Variants in ENTPD6 observed in about 807,000 individuals in gnomAD.
ENTPD6 encodes CD39 antigen-like 2.
In ENTPD6, 46 loss-of-function variants were observed where a neutral mutation model predicts 61.5. The observed-to-expected ratio is 0.75, with a 90% CI of 0.59 to 0.96. The LOEUF (loss-of-function observed/expected upper bound fraction) is 0.96. Ranked by LOEUF, ENTPD6 falls within the 40% of genes least tolerant of loss-of-function variation. The pLI is 0.00. For missense variants in ENTPD6, 612 were observed against 629.0 expected (o/e 0.97, Z 0.29); for synonymous variants, 252 against 255.5 (o/e 0.99, Z 0.13).
intron 8 of ENTPD6, 42 bp from the exon 9 acceptor site, chr20:25,217,460 G>A: frequency 6.3e-7 from 1 of 1,584,948 alleles, no homozygotes; most frequent in Non-Finnish European, 8.7e-7. Flanking sequence ...GAATTTTCTA[G>A]AAAGACCAGC....
intron 1 of ENTPD6, among the ~76,000 whole-genome samples, chr20:25,201,262 A>G (rs970204448): frequency 2.0e-5 from 3 of 151,792 alleles, no homozygotes; most frequent in Admixed American, 6.6e-5. Context: ...GCTCCGTTAC[A>G]CTCTTGCTCT....
At chr20:25,220,253 C>T (rs944634222) in intron 10 of ENTPD6, among the ~76,000 whole-genome samples, 19 of 152,368 alleles carry the variant, frequency 1.2e-4, no homozygotes, top group Middle Eastern at 6.8e-3. Context: ...CACACAGGCT[C>T]ATCTGGGCAG....
At chr20:25,225,338 C>T (rs370124403) in intron 14 of ENTPD6, 21 bp downstream of exon 14, 32 of 1,611,548 alleles carry the variant, frequency 2.0e-5, no homozygotes, top group African/African-American at 2.7e-5. Flanking sequence ...CCTCAGGTCA[C>T]GCCCCAGCCC....
At chr20:25,225,066 G>T in intron 13 of ENTPD6, 139 bp from the exon 14 acceptor site, 7 of 1,374,984 alleles carry the variant, frequency 5.1e-6, no homozygotes, top group South Asian at 1.4e-5. Context: ...TGCCTTCTGC[G>T]CTCAGCTGCG....
At chr20:25,217,618 G>T (rs758336605) in intron 9 of ENTPD6, 37 bp downstream of exon 9, 1 of 1,581,376 alleles carries the variant, frequency 6.3e-7, no homozygotes, top group African/African-American at 1.3e-5. Context: ...AGGCGCCATG[G>T]GGTGGGTATG....
intron 1 of ENTPD6, among the ~76,000 whole-genome samples, chr20:25,199,039 T>TCAG (rs2090796156): frequency 6.6e-6 from 1 of 152,148 alleles, no homozygotes; most frequent in African/African-American, 2.4e-5. Flanking sequence ...GTTTTCCCCC[T>TCAG]CAGTACACTG....
intron 10 of ENTPD6, among the ~76,000 whole-genome samples, chr20:25,218,994 A>G (rs536860200): frequency 1.3e-5 from 2 of 151,996 alleles, no homozygotes; most frequent in South Asian, 4.2e-4. Context: ...CAATTTTCAT[A>G]CCTCCGCCTC....
intron 11 of ENTPD6, 44 bp downstream of exon 11, chr20:25,221,377 G>A: frequency 6.9e-7 from 1 of 1,442,204 alleles, no homozygotes; most frequent in Non-Finnish European, 9.8e-7. Context: ...GGGTGAGAGT[G>A]GTGGCCTCCT....
chr20:25,204,027 G>A (rs2091264685), intron 1 of ENTPD6, among the ~76,000 whole-genome samples: 1 of 152,064 alleles, frequency 6.6e-6, no homozygotes, highest in South Asian at 2.1e-4. Context: ...CCCCATATTC[G>A]TGGCTGTTTC....
chr20:25,218,454 C>A, intron 9 of ENTPD6, 96 bp from the exon 10 acceptor site: 1 of 1,143,496 alleles, frequency 8.7e-7, no homozygotes, highest in South Asian at 1.3e-5. Context: ...TTGCTGCAAG[C>A]TCCCCCTTCC....
chr20:25,209,276 GT>G (rs1239284184), intron 3 of ENTPD6, among the ~76,000 whole-genome samples: 1 of 151,560 alleles, frequency 6.6e-6, no homozygotes, highest in East Asian at 1.9e-4. Context: ...CGCCCAGCTA[GT>G]TTTTTTGTAT....
chr20:25,210,921 G>A (rs562696285), intron 4 of ENTPD6, among the ~76,000 whole-genome samples: 1 of 152,218 alleles, frequency 6.6e-6, no homozygotes, highest in Non-Finnish European at 1.5e-5. Context: ...CAGCCTGGGG[G>A]ACAGAGTGAG....
chr20:25,207,318 G>A lies in ENTPD6; in HGVS notation c.297G>A (p.Glu99=). Residue 99 remains glutamate (E), a synonymous_variant, in exon 3 of 15, where the codon GAG becomes GAA. Transcript: ENST00000376652. The stretch of plus-strand genomic sequence containing the variant: ...TGGGGACAGCTGCAGACGGGCACGA[G>A]GTCTTCTACGGGATCATGTTTGATG... ...SPLGTAADGH[E]VFYGIMFDAG... The A allele has an allele frequency of 6.3e-7, 1 of 1,597,000 alleles. No individual in the cohort carries two copies. Among genetic ancestry groups the A allele is most frequent in the Non-Finnish European group, 8.6e-7 (1 of 1,167,988 alleles).
chr20:25,218,401 A>T (rs899581536), intron 9 of ENTPD6, 149 bp from the exon 10 acceptor site: 2 of 693,892 alleles, frequency 2.9e-6, no homozygotes, highest in Non-Finnish European at 5.0e-6. Context: ...TCAACTCTAC[A>T]GAAACAGGCT....
rs1038360104 is a variant in ENTPD6 at position 25,227,136 on chromosome 20, C to G, written c.*1539C>G. ...CCGAGTGCTTGTGCCTGAAGCCCCC[C>G]CCAACCAACTGTCACAGGAGGACAG... is the stretch of plus-strand genomic sequence containing the variant. On this transcript the variant is annotated 3_prime_UTR_variant, in exon 15 of 15. Transcript: ENST00000376652. 6.6e-6 allele frequency among the ~76,000 whole-genome samples: 1 copy of G among 152,244 alleles called. No individual in the cohort carries two copies. The highest frequency in any genetic ancestry group is 2.4e-5 in the African/African-American group (1 of 41,468).
chr20:25,205,225 CTGGT>C (rs1372608588), intron 1 of ENTPD6, among the ~76,000 whole-genome samples: 1 of 152,068 alleles, frequency 6.6e-6, no homozygotes, highest in African/African-American at 2.4e-5. Flanking sequence ...TCTATGAATA[CTGGT>C]TTCATCACTG....
chr20:25,223,027 CG>C (rs1600681578), intron 12 of ENTPD6, 49 bp downstream of exon 12: 2 of 490,360 alleles, frequency 4.1e-6, no homozygotes, highest in Non-Finnish European at 3.2e-6. Context: ...CGGCAGGGGG[CG>C]GGGGTGGAGG....
chr20:25,208,095 TC>T (rs2091665623), intron 3 of ENTPD6, among the ~76,000 whole-genome samples: 1 of 152,210 alleles, frequency 6.6e-6, no homozygotes, highest in Admixed American at 6.5e-5. Flanking sequence ...GTCAGGCAGG[TC>T]CCCTGGGTGT....
intron 5 of ENTPD6, among the ~76,000 whole-genome samples, chr20:25,213,862 A>T (rs2092143747): frequency 6.6e-6 from 1 of 152,160 alleles, no homozygotes; most frequent in African/African-American, 2.4e-5. Flanking sequence ...AGGCGGGAGG[A>T]TCGATTGAGC....
Sources: gnomAD v4.1 joint callset for allele counts (sites outside exome capture counted in the v4.1 genomes callset) on GRCh38, gnomAD v4.1.1 for gene constraint, MANE v1.5 for transcripts, NCBI Gene and HGNC (gene_info 2026-07-23, HGNC 2026-07-21) for gene names.